The following CFDP1 variants were observed in gnomAD, a reference collection of about 807,000 sequenced individuals.
CFDP1 encodes the protein heterochromatin-stabilizing protein CFDP1.
In CFDP1, 31 loss-of-function variants were observed where a neutral mutation model predicts 40.1. The ratio of observed to expected loss-of-function variants is 0.77; its 90% confidence interval spans 0.58 to 1.04. The LOEUF (loss-of-function observed/expected upper bound fraction) is 1.04. CFDP1 is among the 50% of genes least tolerant of loss of function. The pLI is 0.00. For missense variants in CFDP1, 423 were observed against 343.4 expected (o/e 1.23, Z -1.83); for synonymous variants, 167 against 120.0 (o/e 1.39, Z -2.56).
chr16:75,416,649 G>A (rs959834439), intron 1 of CFDP1, among the ~76,000 whole-genome samples: 3 of 152,022 alleles, frequency 2.0e-5, no homozygotes, highest in Admixed American at 2.0e-4. Flanking sequence ...AGTCTAAGCT[G>A]AGGCAGAAAG....
At position 75,365,796 on chromosome 16, in the gene CFDP1, G is replaced by C. The variant is rs148352150; in HGVS notation, c.650+29294C>G. Reference sequence around the variant, plus strand: ...CAAATAGCCAGTAAGTACATGAAAAGATACTCAACATCATTAGGCATTAAA... The same window carrying C: ...CAAATAGCCAGTAAGTACATGAAAACATACTCAACATCATTAGGCATTAAA... On this transcript the variant is annotated intron_variant, in intron 5 of 6. Coordinates refer to ENST00000283882, the MANE Select transcript of CFDP1 (RefSeq NM_006324.3). Among the ~76,000 whole-genome samples the C allele has an allele frequency of 3.8e-3, 574 of 152,222 alleles. 3 individuals are homozygous for C. Among genetic ancestry groups the C allele is most frequent in the African/African-American group, 0.013 (553 of 41,514 alleles).
chr16:75,345,481 A>T (rs78897234), intron 5 of CFDP1, among the ~76,000 whole-genome samples: 5 of 152,012 alleles, frequency 3.3e-5, no homozygotes, highest in African/African-American at 1.2e-4. Flanking sequence ...ACAAAAAAAA[A>T]CAAAACATTA....
intron 5 of CFDP1, among the ~76,000 whole-genome samples, chr16:75,376,143 C>G (rs901794710): frequency 3.3e-5 from 5 of 152,004 alleles, no homozygotes; most frequent in Non-Finnish European, 7.4e-5. Flanking sequence ...CCACAGAGTT[C>G]AAGGCTGCAG....
Position 75,390,430 on chromosome 16 carries a change from C to T in CFDP1, c.650+4660G>A, listed in dbSNP as rs563745880. On this transcript the variant is annotated intron_variant, in intron 5 of 6. Transcript: ENST00000283882. ...CTACCCTTGATATCTGATCACACTA[C>T]CCTGCCTTGAGCAAGAATCACCCTC... 2.6e-5 allele frequency among the ~76,000 whole-genome samples: 4 copies of T among 152,350 alleles called. No homozygotes were observed. In the South Asian group the frequency reaches 6.2e-4, roughly 24 times the overall value.
chr16:75,309,835 A>AC (rs1456166767), intron 5 of CFDP1, among the ~76,000 whole-genome samples: 2 of 150,800 alleles, frequency 1.3e-5, no homozygotes, highest in African/African-American at 2.4e-5. Flanking sequence ...AAAAAAAAAA[A>AC]AAAAAAAAAA....
intron 1 of CFDP1, among the ~76,000 whole-genome samples, chr16:75,432,216 G>T (rs566223154): frequency 3.3e-5 from 5 of 149,834 alleles, no homozygotes; most frequent in Non-Finnish European, 7.4e-5. Flanking sequence ...GGAATGGAAT[G>T]GCTAGTTTTC....
intron 1 of CFDP1, among the ~76,000 whole-genome samples, chr16:75,421,026 C>G (rs1160968294): frequency 6.6e-6 from 1 of 152,168 alleles, no homozygotes; most frequent in Non-Finnish European, 1.5e-5. Flanking sequence ...GATGCTTAAT[C>G]TCATTAATAA....
chr16:75,343,465 T>G (rs1003292676), intron 5 of CFDP1, among the ~76,000 whole-genome samples: 1 of 152,136 alleles, frequency 6.6e-6, no homozygotes, highest in Non-Finnish European at 1.5e-5. Flanking sequence ...TTCCACATCA[T>G]GTAGATGAGA....
intron 5 of CFDP1, among the ~76,000 whole-genome samples, chr16:75,357,385 G>T (rs1474218338): frequency 6.6e-6 from 1 of 152,062 alleles, no homozygotes; most frequent in Non-Finnish European, 1.5e-5. Context: ...CTCCTGAGTA[G>T]CTGGGACTAC....
chr16:75,330,279 G>A (rs1297735927), intron 5 of CFDP1, among the ~76,000 whole-genome samples: 1 of 152,194 alleles, frequency 6.6e-6, no homozygotes, highest in Non-Finnish European at 1.5e-5. Context: ...AAGACAGCCT[G>A]AGGCTAGTTT....
At chr16:75,401,736 T>C (rs2151571920) in intron 4 of CFDP1, among the ~76,000 whole-genome samples, 1 of 150,030 alleles carries the variant, frequency 6.7e-6, no homozygotes, top group Non-Finnish European at 1.5e-5. Flanking sequence ...TGTTTGGTTT[T>C]GTTTTTTACT....
chr16:75,346,754 A>G (rs1439613932), intron 5 of CFDP1, among the ~76,000 whole-genome samples: 1 of 151,592 alleles, frequency 6.6e-6, no homozygotes, highest in African/African-American at 2.4e-5. Context: ...ACCTACTACA[A>G]AAGATTGATA....
rs139048855 is a variant in CFDP1, at chr16:75,356,266, T to C, written c.650+38824A>G. On this transcript the variant is annotated intron_variant, in intron 5 of 6. Transcript: ENST00000283882. ...GAGTGAAAATAAACAAATAAACAAG[T>C]AACACTTCAAAGTTGAAATTACTTC... Among the ~76,000 whole-genome samples, 120 of 152,304 alleles carry C rather than the reference T, an allele frequency of 7.9e-4. 2 individuals carry two copies. Among genetic ancestry groups the C allele is most frequent in the Non-Finnish European group, 1.3e-4 (9 of 68,024 alleles).
chr16:75,429,723 A>G (rs2079387056), intron 1 of CFDP1, among the ~76,000 whole-genome samples: 1 of 152,256 alleles, frequency 6.6e-6, no homozygotes, highest in Non-Finnish European at 1.5e-5. Context: ...CCAGAAGGCA[A>G]AGACTGTTTC....
At chr16:75,414,845 C>A in intron 1 of CFDP1, 150 bp from the exon 2 acceptor site, 1 of 611,104 alleles carries the variant, frequency 1.6e-6, no homozygotes, top group South Asian at 2.0e-5. Flanking sequence ...AACATCATTT[C>A]CTTGGGGAAG....
intron 1 of CFDP1, among the ~76,000 whole-genome samples, chr16:75,427,656 A>G (rs1597410410): frequency 6.6e-6 from 1 of 152,244 alleles, no homozygotes; most frequent in Admixed American, 6.5e-5. Context: ...TGTTACCAAC[A>G]GCAATCAAGC....
At chr16:75,319,690 C>T (rs2078348865) in intron 5 of CFDP1, among the ~76,000 whole-genome samples, 1 of 152,136 alleles carries the variant, frequency 6.6e-6, no homozygotes, top group Non-Finnish European at 1.5e-5. Flanking sequence ...CCCTCTTCCT[C>T]CAGAGGCAGC....
intron 1 of CFDP1, among the ~76,000 whole-genome samples, chr16:75,418,588 C>T (rs1353494844): frequency 6.6e-6 from 1 of 152,032 alleles, no homozygotes; most frequent in Admixed American, 6.6e-5. Context: ...GGATTACAGG[C>T]GTGAGCCAAC....
At chr16:75,327,037 G>A (rs527532007) in intron 5 of CFDP1, among the ~76,000 whole-genome samples, 1 of 152,284 alleles carries the variant, frequency 6.6e-6, no homozygotes, top group South Asian at 2.1e-4. Context: ...TTGGGAGGCC[G>A]AGGCGGGCGG....
Sources: gnomAD v4.1 joint callset for allele counts (sites outside exome capture counted in the v4.1 genomes callset) on GRCh38, gnomAD v4.1.1 for gene constraint, MANE v1.5 for transcripts, NCBI Gene and HGNC (gene_info 2026-07-23, HGNC 2026-07-21) for gene names.